HNF1B: variants seen among roughly 807,000 people sequenced by gnomAD.
HNF1B encodes HNF1 homeobox B, also known as hepatocyte nuclear factor 1-beta.
Under a neutral mutation model 61.7 loss-of-function variants are expected in HNF1B, and 8 were observed. The observed-to-expected ratio is 0.13, with a 90% confidence interval of 0.08 to 0.23. HNF1B has a LOEUF of 0.23. HNF1B is among the 10% of genes least tolerant of loss of function. The probability of loss-of-function intolerance (pLI) is 1.00; values close to 1 mark genes in which losing one functional copy is unlikely to be tolerated. For synonymous variants in HNF1B, 314 were observed against 287.7 expected (o/e 1.09, Z -0.93); for missense variants, 562 against 714.5 (o/e 0.79, Z 2.43).
At chr17:37,699,049 A>G in intron 8 of HNF1B, 27 bp downstream of exon 8, 1 of 1,543,136 alleles carries the variant, frequency 6.5e-7, no homozygotes, top group Non-Finnish European at 9.0e-7. Flanking sequence ...CCCACACCCC[A>G]ACCCCCGCAA....
intron 1 of HNF1B, among the ~76,000 whole-genome samples, 187 bp from the exon 2 acceptor site, chr17:37,739,826 C>T (rs1011797985): frequency 5.3e-5 from 8 of 152,100 alleles, no homozygotes; most frequent in Admixed American, 1.3e-4. Flanking sequence ...TGCCCCTGTA[C>T]GGTACACCTC....
intron 8 of HNF1B, among the ~76,000 whole-genome samples, chr17:37,689,124 G>A (rs560536796): frequency 6.1e-5 from 8 of 131,892 alleles, no homozygotes; most frequent in East Asian, 2.1e-4. Flanking sequence ...CAGCCTGGGC[G>A]ACAGAGCAAG....
rs765609943 is a variant in HNF1B at position 37,687,305 on chromosome 17, C to T, written c.*67G>A. On this transcript the variant is annotated 3_prime_UTR_variant, in exon 9 of 9. Coordinates refer to ENST00000617811, the MANE Select transcript of HNF1B (RefSeq NM_000458.4). ...TCACTGGGCTTTTCCATGACAGCTG[C>T]CCAGAGGGTGATGGTGTGGAAAACA... 9.3e-6 allele frequency: 15 copies of T among 1,613,872 alleles called. No individual in the cohort carries two copies. Among genetic ancestry groups the T allele is most frequent in the Non-Finnish European group, 1.3e-5 (15 of 1,179,978 alleles).
Position 37,744,850 on chromosome 17 carries a change from A to C in HNF1B, c.35T>G (p.Leu12Arg). Residue 12 changes from leucine (L) to arginine (R), a missense_variant, in exon 1 of 9, where the codon CTC becomes CGC. By Grantham distance (102) the Leu-to-Arg change is moderately radical. This residue lies in a region of HNF1B where 148 missense variants were observed against 147.3 expected (regional missense o/e 1.00). Coordinates refer to ENST00000617811, the MANE Select transcript of HNF1B (RefSeq NM_000458.4). ...VSKLTSLQQE[L>R]LSALLSSGVT... ...CCCGGAGCTCAGCAGGGCGCTCAGG[A>C]GTTCTTGCTGGAGCGACGTGAGCTT... 7.4e-7 allele frequency: 1 copy of C among 1,346,302 alleles called. No individual in the cohort carries two copies. Among genetic ancestry groups the C allele is most frequent in the Non-Finnish European group, 9.8e-7 (1 of 1,017,558 alleles). 83.4% of individuals were successfully genotyped at this position (1,346,302 alleles called of 1,614,324 possible).
chr17:37,716,141 C>T (rs1196478303), intron 4 of HNF1B, among the ~76,000 whole-genome samples: 1 of 152,208 alleles, frequency 6.6e-6, no homozygotes, highest in African/African-American at 2.4e-5. Context: ...CAGAACAAGA[C>T]TCCATCTCAA....
intron 2 of HNF1B, among the ~76,000 whole-genome samples, chr17:37,734,652 C>T (rs1240164075): frequency 2.0e-5 from 3 of 152,160 alleles, no homozygotes; most frequent in African/African-American, 7.2e-5. Flanking sequence ...TTCACATCTG[C>T]ATGAAGCAGG....
At chr17:37,741,668 A>G (rs998210668) in intron 1 of HNF1B, among the ~76,000 whole-genome samples, 4 of 152,338 alleles carry the variant, frequency 2.6e-5, no homozygotes, top group East Asian at 1.9e-4. Flanking sequence ...GAAAAATTGC[A>G]TTTTAAAAGT....
At chr17:37,699,008 C>T (rs900991274) in intron 8 of HNF1B, 68 bp downstream of exon 8, 17 of 1,133,626 alleles carry the variant, frequency 1.5e-5, no homozygotes, top group Non-Finnish European at 1.9e-5. Context: ...TTGCCACAAC[C>T]TCTGCACATC....
At chr17:37,723,210 G>C (rs2033379180) in intron 4 of HNF1B, among the ~76,000 whole-genome samples, 1 of 151,834 alleles carries the variant, frequency 6.6e-6, no homozygotes, top group Non-Finnish European at 1.5e-5. Context: ...AGCCGGGCGT[G>C]GTGGTGGACG....
intron 6 of HNF1B, 124 bp from the exon 7 acceptor site, chr17:37,701,301 C>A: frequency 1.2e-6 from 1 of 864,086 alleles, no homozygotes; most frequent in Non-Finnish European, 1.9e-6. Flanking sequence ...ATAGGAGATT[C>A]CATGGGAGGC....
At chr17:37,717,227 C>A (rs1471021431) in intron 4 of HNF1B, among the ~76,000 whole-genome samples, 3 of 152,254 alleles carry the variant, frequency 2.0e-5, no homozygotes, top group Middle Eastern at 3.4e-3. Context: ...ATGCCTTTCA[C>A]CCTTGACATT....
At chr17:37,716,491 G>T (rs1479386615) in intron 4 of HNF1B, among the ~76,000 whole-genome samples, 1 of 152,280 alleles carries the variant, frequency 6.6e-6, no homozygotes, top group Admixed American at 6.5e-5. Flanking sequence ...GAGCCACTGC[G>T]CCCGGCCTCA....
intron 1 of HNF1B, among the ~76,000 whole-genome samples, 192 bp downstream of exon 1, chr17:37,744,349 G>A (rs1568675484): frequency 6.6e-6 from 1 of 152,262 alleles, no homozygotes; most frequent in African/African-American, 2.4e-5. Flanking sequence ...GAAGAAGCCC[G>A]GTGGGCCGCA....
chr17:37,720,543 A>G (rs1268290382), intron 4 of HNF1B, among the ~76,000 whole-genome samples: 1 of 152,034 alleles, frequency 6.6e-6, no homozygotes, highest in Non-Finnish European at 1.5e-5. Flanking sequence ...TATATGCTAT[A>G]TAAAACAAAA....
chr17:37,701,469 C>A (rs1191399673), intron 6 of HNF1B, among the ~76,000 whole-genome samples: 2 of 152,204 alleles, frequency 1.3e-5, no homozygotes, highest in Non-Finnish European at 2.9e-5. Context: ...TTGAGGTTAC[C>A]AGGGCTTTGG....
In HNF1B at chr17:37,701,157, G is replaced by C; in HGVS notation, c.1360C>G (p.Gln454Glu). 1 of 1,551,326 alleles carries C rather than the reference G, an allele frequency of 6.4e-7. No homozygotes were observed. The highest frequency in any genetic ancestry group is 8.7e-7 in the Non-Finnish European group (1 of 1,147,242). Residue 454 changes from glutamine to glutamate, a missense_variant, in exon 7 of 9, where the codon CAG becomes GAG. Coordinates refer to ENST00000617811, the MANE Select transcript of HNF1B (RefSeq NM_000458.4). ...ACACTGTTGATGACAGGGACACTCT[G>C]TGCTTGGGAGGTGTTGAGGCCTGTG... ...IAQSLNTSQA[Q>E]SVPVINSVAG...
chr17:37,718,367 C>T (rs2033193515), intron 4 of HNF1B, among the ~76,000 whole-genome samples: 1 of 152,320 alleles, frequency 6.6e-6, no homozygotes, highest in Admixed American at 6.5e-5. Flanking sequence ...ATGAATACTT[C>T]AGCCTGAAGA....
rs1211421572 is a variant in HNF1B at position 37,700,501 on chromosome 17, T to A, written c.1534+482A>T. Among the ~76,000 whole-genome samples, 3 of 152,168 alleles carry A rather than the reference T, an allele frequency of 2.0e-5. No individual in the cohort carries two copies. The East Asian group carries it at 5.8e-4, about 29-fold the overall frequency. ...TTAGAGATGTTTGGGGTGTATAAATTGGAGGACACGGGACTCTAGAAGATT... is the reference window on the plus strand; with the variant it reads ...TTAGAGATGTTTGGGGTGTATAAATAGGAGGACACGGGACTCTAGAAGATT... On this transcript the variant is annotated intron_variant, in intron 7 of 8. Coordinates refer to ENST00000617811, the MANE Select transcript of HNF1B (RefSeq NM_000458.4).
chr17:37,739,664 G>C lies in HNF1B; in HGVS notation c.345-25C>G, dbSNP rs762093610. The C allele has an allele frequency of 7.7e-6, 12 of 1,565,690 alleles. No individual in the cohort carries two copies. In the South Asian group the frequency reaches 1.2e-4, roughly 16 times the overall value. ...ACTAGACAGACAAGCAGATGGTTAG[G>C]GTACTAGTGGGAGACATCTGGGGAG... is the stretch of plus-strand genomic sequence containing the variant. On this transcript the variant is annotated intron_variant, in intron 1 of 8. Coordinates refer to ENST00000617811, the MANE Select transcript of HNF1B (RefSeq NM_000458.4).
Sources: gnomAD v4.1 joint callset for allele counts (sites outside exome capture counted in the v4.1 genomes callset) on GRCh38, gnomAD v4.1.1 for gene constraint, gnomAD v4.1.1 regional missense constraint, MANE v1.5 for transcripts, NCBI Gene and HGNC (gene_info 2026-07-23, HGNC 2026-07-21) for gene names.